The following STAC variants were observed in gnomAD, a reference collection of about 807,000 sequenced individuals.
The protein encoded by STAC is SH3 and cysteine rich domain, also known as SH3 and cysteine-rich domain-containing protein.
Under a neutral mutation model 48.8 loss-of-function variants are expected in STAC, and 43 were observed. The ratio of observed to expected loss-of-function variants is 0.88; its 90% CI spans 0.69 to 1.14. The LOEUF (loss-of-function observed/expected upper bound fraction) is 1.14. STAC is among the 50% of genes most tolerant of loss of function. The pLI is 0.00. For missense variants in STAC, 497 were observed against 504.0 expected (o/e 0.99, Z 0.13); for synonymous variants, 193 against 179.5 (o/e 1.07, Z -0.60).
chr3:36,413,867 C>G (rs1028595665), intron 1 of STAC, among the ~76,000 whole-genome samples: 5 of 152,174 alleles, frequency 3.3e-5, no homozygotes, highest in African/African-American at 4.8e-5. Flanking sequence ...TAGGGCAGGG[C>G]TGGTGGTGAC....
intron 8 of STAC, among the ~76,000 whole-genome samples, chr3:36,518,399 G>C (rs913641994): frequency 4.0e-5 from 6 of 151,566 alleles, no homozygotes; most frequent in Admixed American, 3.9e-4. Flanking sequence ...TATGATAATG[G>C]CCATTTTTCA....
At chr3:36,495,609 C>T (rs1261171130) in intron 6 of STAC, among the ~76,000 whole-genome samples, 2 of 152,270 alleles carry the variant, frequency 1.3e-5, no homozygotes, top group African/African-American at 4.8e-5. Flanking sequence ...CCATCCTGGC[C>T]TGGCTCTGTC....
At chr3:36,431,404 A>G (rs1700701471) in intron 1 of STAC, among the ~76,000 whole-genome samples, 1 of 152,166 alleles carries the variant, frequency 6.6e-6, no homozygotes, top group Non-Finnish European at 1.5e-5. Flanking sequence ...CTTTATGGCC[A>G]TGGCATCAGA....
At chr3:36,494,447 A>C (rs1698082718) in intron 6 of STAC, among the ~76,000 whole-genome samples, 1 of 152,210 alleles carries the variant, frequency 6.6e-6, no homozygotes, top group African/African-American at 2.4e-5. Context: ...GCCTGGATGC[A>C]GAAATTCCTC....
intron 2 of STAC, among the ~76,000 whole-genome samples, chr3:36,455,986 TCAA>T (rs1006475331): frequency 1.3e-5 from 2 of 151,982 alleles, no homozygotes; most frequent in Non-Finnish European, 2.9e-5. Context: ...AGCCCCTGCC[TCAA>T]CAACATTATA....
intron 1 of STAC, among the ~76,000 whole-genome samples, chr3:36,424,398 G>T (rs574617905): frequency 2.6e-5 from 4 of 152,146 alleles, no homozygotes; most frequent in African/African-American, 9.6e-5. Flanking sequence ...TGAACCCTTG[G>T]TTTTTAATAT....
At chr3:36,540,389 G>A (rs751845915) in intron 10 of STAC, among the ~76,000 whole-genome samples, 2 of 152,150 alleles carry the variant, frequency 1.3e-5, no homozygotes, top group African/African-American at 2.4e-5. Context: ...CAGATGTGAT[G>A]AAGGTTATGG....
At chr3:36,428,231 C>T (rs1700613047) in intron 1 of STAC, among the ~76,000 whole-genome samples, 2 of 152,102 alleles carry the variant, frequency 1.3e-5, no homozygotes. Context: ...TGTTAATTTA[C>T]TATGTTGTAT....
In STAC at chr3:36,443,689, G is replaced by A. The variant is rs1190189376; in HGVS notation, c.388+49G>A. 4 of 1,591,210 alleles carry A rather than the reference G, an allele frequency of 2.5e-6. No individual in the cohort carries two copies. The highest frequency in any genetic ancestry group is 1.3e-5 in the African/African-American group (1 of 74,730). ...CAGATCCCAGCACCCCCGGAAAGCT[G>A]AGTGAGAGTGGTGTGCCACGGGTCC... On this transcript the variant is annotated intron_variant, in intron 2 of 10. Transcript: ENST00000273183. This position sits in a 1 kb window ranked among gnomAD's most constrained non-coding sequence, Gnocchi z 4.2.
chr3:36,506,516 G>C (rs1237104195), intron 8 of STAC, among the ~76,000 whole-genome samples: 4 of 152,078 alleles, frequency 2.6e-5, no homozygotes, highest in African/African-American at 9.7e-5. Flanking sequence ...AATTACTTTG[G>C]GCAGTATGGC....
At chr3:36,422,513 TG>T (rs1700472645) in intron 1 of STAC, among the ~76,000 whole-genome samples, 1 of 152,106 alleles carries the variant, frequency 6.6e-6, no homozygotes, top group South Asian at 2.1e-4. Flanking sequence ...CAATGACTAA[TG>T]TCAAAGATGA....
intron 1 of STAC, among the ~76,000 whole-genome samples, chr3:36,399,837 G>A (rs1699965644): frequency 6.6e-6 from 1 of 152,172 alleles, no homozygotes; most frequent in African/African-American, 2.4e-5. Context: ...GCCCAGATCT[G>A]GAGTCAACCT....
chr3:36,491,827 A>G (rs1208197930), intron 5 of STAC, among the ~76,000 whole-genome samples: 1 of 150,624 alleles, frequency 6.6e-6, no homozygotes, highest in East Asian at 2.0e-4. Context: ...AAGCCTGGCC[A>G]ACACAGTGAA....
At chr3:36,528,597 A>T in intron 8 of STAC, 99 bp from the exon 9 acceptor site, 2 of 972,588 alleles carry the variant, frequency 2.1e-6, no homozygotes, top group Non-Finnish European at 1.5e-6. Flanking sequence ...TATTTCTTTT[A>T]AGACTATTTG....
At chr3:36,451,984 C>G (rs558747262) in intron 2 of STAC, among the ~76,000 whole-genome samples, 2 of 152,178 alleles carry the variant, frequency 1.3e-5, no homozygotes, top group Non-Finnish European at 2.9e-5. Context: ...GGGCTTTCTG[C>G]TGGCTTTACT....
chr3:36,489,133 A>G (rs1009260817), intron 5 of STAC, among the ~76,000 whole-genome samples: 2 of 152,188 alleles, frequency 1.3e-5, no homozygotes, highest in Admixed American at 1.3e-4. Context: ...CCTTTCTTAT[A>G]GAATATATAT....
At chr3:36,494,758 T>C (rs1329715092) in intron 6 of STAC, among the ~76,000 whole-genome samples, 2 of 152,218 alleles carry the variant, frequency 1.3e-5, no homozygotes, top group African/African-American at 4.8e-5. Flanking sequence ...CACTGAGCAC[T>C]TAGCAGTGCC....
intron 2 of STAC, among the ~76,000 whole-genome samples, chr3:36,468,524 C>T (rs1474937610): frequency 2.0e-5 from 3 of 150,922 alleles, no homozygotes; most frequent in Non-Finnish European, 4.4e-5. Context: ...TATTGTGTTG[C>T]TGTCTATCTC....
At chr3:36,518,847 C>G (rs1698735331) in intron 8 of STAC, among the ~76,000 whole-genome samples, 1 of 152,202 alleles carries the variant, frequency 6.6e-6, no homozygotes, top group Non-Finnish European at 1.5e-5. Flanking sequence ...GCATGATAGC[C>G]AAGCATCTGC....
Sources: allele counts gnomAD v4.1 joint callset (sites outside exome capture counted in the v4.1 genomes callset), GRCh38; gene constraint gnomAD v4.1.1; non-coding constraint Gnocchi (gnomAD v3.1); transcripts MANE v1.5; gene names NCBI Gene and HGNC (gene_info 2026-07-23, HGNC 2026-07-21).